Variants in STPG2 observed in about 807,000 individuals in gnomAD.
The protein encoded by STPG2 is sperm tail PG-rich repeat containing 2, also known as sperm-tail PG-rich repeat-containing protein 2.
In STPG2, 56 loss-of-function variants were observed where a neutral mutation model predicts 54.2. The ratio of observed to expected loss-of-function variants is 1.03; its 90% CI spans 0.83 to 1.29. The LOEUF (loss-of-function observed/expected upper bound fraction) is 1.29. Among genes scored for constraint, STPG2 ranks in the 50% most tolerant of loss-of-function variants. The pLI is 0.00. For missense variants in STPG2, 596 were observed against 544.9 expected (o/e 1.09, Z -0.93); for synonymous variants, 200 against 181.8 (o/e 1.10, Z -0.81).
intron 9 of STPG2, among the ~76,000 whole-genome samples, chr4:97,731,939 A>G (rs1724809264): frequency 6.6e-6 from 1 of 152,098 alleles, no homozygotes; most frequent in South Asian, 2.1e-4. Context: ...AAATGCTCCC[A>G]TGCCTCAGCA....
At chr4:98,106,135 A>C in intron 4 of STPG2, 71 bp from the exon 5 acceptor site, 3 of 1,077,456 alleles carry the variant, frequency 2.8e-6, no homozygotes, top group Non-Finnish European at 3.8e-6. Context: ...AAGCAAAGAA[A>C]TTCTTTCTAC....
intron 4 of STPG2, among the ~76,000 whole-genome samples, chr4:97,491,259 AC>A (rs1730497696): frequency 6.6e-6 from 1 of 151,538 alleles, no homozygotes; most frequent in Non-Finnish European, 1.5e-5. Context: ...GGAGAAAACA[AC>A]TTGCCCTCAG....
chr4:98,069,343 G>A (rs532901369), intron 5 of STPG2, among the ~76,000 whole-genome samples: 6 of 151,856 alleles, frequency 4.0e-5, no homozygotes, highest in Admixed American at 6.6e-5. Context: ...AAACTTTTAC[G>A]CCACAATAAA....
chr4:97,954,319 G>T (rs563356680), intron 7 of STPG2, among the ~76,000 whole-genome samples: 14 of 152,294 alleles, frequency 9.2e-5, no homozygotes, highest in African/African-American at 2.9e-4. Flanking sequence ...TGGTGTGCAG[G>T]TGCACTCTCC....
intron 6 of STPG2, among the ~76,000 whole-genome samples, chr4:97,976,388 T>TTAATATATCA (rs1268117893): frequency 6.6e-6 from 1 of 152,184 alleles, no homozygotes; most frequent in Non-Finnish European, 1.5e-5. Context: ...GCTTAAGTAC[T>TTAATATATCA]TAATATATCA....
intron 5 of STPG2, among the ~76,000 whole-genome samples, chr4:98,080,265 C>T (rs990555941): frequency 6.6e-6 from 1 of 151,934 alleles, no homozygotes; most frequent in African/African-American, 2.4e-5. Context: ...ACTTTATTTA[C>T]CTTTTTTTTT....
At chr4:98,139,958 T>C (rs1254072346) in intron 1 of STPG2, among the ~76,000 whole-genome samples, 1 of 152,236 alleles carries the variant, frequency 6.6e-6, no homozygotes, top group Non-Finnish European at 1.5e-5. Flanking sequence ...ATCGTGGTTA[T>C]TGCCCTCAAG....
chr4:97,638,501 C>A (rs1304391939), intron 10 of STPG2, among the ~76,000 whole-genome samples: 4 of 152,006 alleles, frequency 2.6e-5, no homozygotes, highest in African/African-American at 7.3e-5. Flanking sequence ...AATGGGATCT[C>A]ATTAAACTAA....
chr4:97,735,327 A>C (rs1229466055), intron 9 of STPG2, among the ~76,000 whole-genome samples: 1 of 151,386 alleles, frequency 6.6e-6, no homozygotes, highest in Non-Finnish European at 1.5e-5. Context: ...ATATGTTCTC[A>C]CTTATAAGTG....
At chr4:97,862,752 G>A (rs1055573069) in intron 8 of STPG2, among the ~76,000 whole-genome samples, 5 of 152,192 alleles carry the variant, frequency 3.3e-5, no homozygotes, top group East Asian at 1.9e-4. Flanking sequence ...CTGTCTCTCC[G>A]ACCACAGTGC....
At chr4:98,015,225 A>G (rs1178065242) in intron 5 of STPG2, among the ~76,000 whole-genome samples, 1 of 152,252 alleles carries the variant, frequency 6.6e-6, no homozygotes, top group African/African-American at 2.4e-5. Flanking sequence ...ATTAAACTAA[A>G]GAGCTTCTGC....
intron 8 of STPG2, among the ~76,000 whole-genome samples, chr4:97,935,278 G>T (rs761264891): frequency 1.3e-5 from 2 of 151,460 alleles, no homozygotes; most frequent in Non-Finnish European, 2.9e-5. Context: ...CATTAACTTT[G>T]CCCAGAAGTT....
At chr4:97,975,904 G>T (rs1196395576) in intron 6 of STPG2, among the ~76,000 whole-genome samples, 1 of 152,078 alleles carries the variant, frequency 6.6e-6, no homozygotes, top group African/African-American at 2.4e-5. Flanking sequence ...ATGAAGAGAG[G>T]GTTGTGCTGA....
At chr4:97,516,566 T>C (rs903904016) in intron 4 of STPG2, among the ~76,000 whole-genome samples, 2 of 152,096 alleles carry the variant, frequency 1.3e-5, no homozygotes, top group African/African-American at 4.8e-5. Flanking sequence ...CTGACACGTG[T>C]AATCCCAGCA....
intron 5 of STPG2, among the ~76,000 whole-genome samples, chr4:98,071,559 C>T (rs753407498): frequency 2.6e-5 from 4 of 152,098 alleles, no homozygotes; most frequent in Non-Finnish European, 5.9e-5. Context: ...CAAAAATTGA[C>T]AAGTGGGATC....
intron 8 of STPG2, among the ~76,000 whole-genome samples, chr4:97,876,560 T>A (rs1266621203): frequency 6.6e-6 from 1 of 152,084 alleles, no homozygotes; most frequent in Non-Finnish European, 1.5e-5. Context: ...TGCTGCTTCC[T>A]TTGTTTTCTA....
intron 10 of STPG2, among the ~76,000 whole-genome samples, chr4:97,676,307 A>AG (rs1468639874): frequency 1.3e-5 from 2 of 151,732 alleles, no homozygotes; most frequent in African/African-American, 2.4e-5. Context: ...AATGTGTGGC[A>AG]GCAGCCTCAG....
intron 9 of STPG2, among the ~76,000 whole-genome samples, chr4:97,755,168 T>C (rs1383088623): frequency 6.6e-6 from 1 of 152,166 alleles, no homozygotes; most frequent in East Asian, 1.9e-4. Context: ...AAATAACTAA[T>C]AAACAGGCAT....
At chr4:97,789,242 TTTGA>T (rs1726919122) in intron 9 of STPG2, among the ~76,000 whole-genome samples, 1 of 152,006 alleles carries the variant, frequency 6.6e-6, no homozygotes, top group Non-Finnish European at 1.5e-5. Context: ...TCTTAGTTAT[TTTGA>T]TTATGGTATT....
Sources: allele counts gnomAD v4.1 joint callset (sites outside exome capture counted in the v4.1 genomes callset), GRCh38; gene constraint gnomAD v4.1.1; transcripts MANE v1.5; gene names NCBI Gene and HGNC (gene_info 2026-07-23, HGNC 2026-07-21).